Variants in SPAG16 observed in about 807,000 individuals in gnomAD.
The protein encoded by SPAG16 is sperm associated antigen 16, also known as sperm-associated antigen 16 protein.
A neutral mutation model predicts 80.4 loss-of-function variants in SPAG16; 86 were observed. The observed-to-expected ratio is 1.07, with a 90% CI of 0.90 to 1.28. The LOEUF (loss-of-function observed/expected upper bound fraction) is 1.28, where lower values mean the gene tolerates loss of function less well. Ranked by LOEUF, SPAG16 falls within the 50% of genes most tolerant of loss-of-function variation. The pLI is 0.00. For synonymous variants in SPAG16, 294 were observed against 265.9 expected (o/e 1.11, Z -1.03); for missense variants, 870 against 765.3 (o/e 1.14, Z -1.61).
intron 13 of SPAG16, among the ~76,000 whole-genome samples, chr2:214,031,378 A>C (rs1575891953): frequency 1.4e-5 from 2 of 138,594 alleles, no homozygotes; most frequent in Admixed American, 1.5e-4. Context: ...CATAGGTGGG[A>C]ATTGAACAAT....
chr2:213,913,782 T>C (rs954296242), intron 11 of SPAG16, among the ~76,000 whole-genome samples: 4 of 151,800 alleles, frequency 2.6e-5, no homozygotes, highest in East Asian at 1.9e-4. Flanking sequence ...GCTCACATGA[T>C]TGTGGGGACT....
At chr2:213,461,441 G>C (rs538635624) in intron 9 of SPAG16, among the ~76,000 whole-genome samples, 2 of 152,310 alleles carry the variant, frequency 1.3e-5, no homozygotes, top group Non-Finnish European at 2.9e-5. Context: ...ATAGATGAAT[G>C]ATGTGCAAGT....
intron 10 of SPAG16, among the ~76,000 whole-genome samples, chr2:213,533,101 T>G (rs965598690): frequency 6.6e-6 from 1 of 152,200 alleles, no homozygotes; most frequent in Admixed American, 6.5e-5. Flanking sequence ...TATACTTCTA[T>G]GTGTATATGT....
intron 1 of SPAG16, among the ~76,000 whole-genome samples, chr2:213,292,692 A>AAAAC (rs142889153): frequency 0.19 from 26,038 of 135,350 alleles, 3,924 homozygotes; most frequent in Non-Finnish European, 0.28. Flanking sequence ...AAACAAAAAA[A>AAAAC]AACAAAACTA....
At chr2:213,866,956 A>G (rs2075713437) in intron 11 of SPAG16, among the ~76,000 whole-genome samples, 1 of 152,188 alleles carries the variant, frequency 6.6e-6, no homozygotes, top group African/African-American at 2.4e-5. Context: ...TGCAGACTAT[A>G]CAAACAGAAG....
At chr2:214,144,417 A>G (rs1430125227) in intron 14 of SPAG16, among the ~76,000 whole-genome samples, 1 of 95,096 alleles carries the variant, frequency 1.1e-5, no homozygotes, top group Non-Finnish European at 2.0e-5. Context: ...CATGTTTTAC[A>G]TTGGTTCTAT....
intron 13 of SPAG16, among the ~76,000 whole-genome samples, chr2:214,099,081 G>A (rs2052806894): frequency 6.6e-6 from 1 of 152,042 alleles, no homozygotes; most frequent in South Asian, 2.1e-4. Flanking sequence ...AATTAGATAG[G>A]TTTAAAACCC....
chr2:213,577,306 TC>T (rs2060161040), intron 10 of SPAG16, among the ~76,000 whole-genome samples: 1 of 152,138 alleles, frequency 6.6e-6, no homozygotes, highest in Non-Finnish European at 1.5e-5. Flanking sequence ...ATTATCTACT[TC>T]CTGTATCATC....
chr2:213,536,184 A>C (rs982939374), intron 10 of SPAG16, among the ~76,000 whole-genome samples: 3 of 151,986 alleles, frequency 2.0e-5, no homozygotes, highest in South Asian at 2.1e-4. Flanking sequence ...TCTTGTTTTT[A>C]CTCAAATTTG....
intron 10 of SPAG16, among the ~76,000 whole-genome samples, chr2:213,857,248 T>C (rs1036179952): frequency 2.0e-5 from 3 of 152,182 alleles, no homozygotes; most frequent in South Asian, 2.1e-4. Context: ...TTATTCAGCA[T>C]AAACAGCCCT....
chr2:213,368,447 C>T (rs890061848), intron 8 of SPAG16, among the ~76,000 whole-genome samples: 6 of 152,172 alleles, frequency 3.9e-5, no homozygotes, highest in Admixed American at 2.0e-4. Context: ...GACAAACCCA[C>T]AGCCAATATC....
At chr2:214,166,343 C>A (rs564685959) in intron 15 of SPAG16, among the ~76,000 whole-genome samples, 1 of 152,114 alleles carries the variant, frequency 6.6e-6, no homozygotes, top group Non-Finnish European at 1.5e-5. Context: ...TTGGAATTGA[C>A]GAATGGGAGG....
At chr2:213,959,954 C>T (rs1017597873) in intron 12 of SPAG16, among the ~76,000 whole-genome samples, 5 of 152,250 alleles carry the variant, frequency 3.3e-5, no homozygotes, top group Admixed American at 3.3e-4. Flanking sequence ...AAGTTTTCAG[C>T]CATTATTTCT....
At chr2:213,349,188 A>G (rs2065187324) in intron 6 of SPAG16, among the ~76,000 whole-genome samples, 1 of 152,254 alleles carries the variant, frequency 6.6e-6, no homozygotes, top group Admixed American at 6.5e-5. Context: ...AAATGCAGCC[A>G]ATGCGGCTTA....
rs554290399 is a variant in SPAG16, at chr2:213,953,795, G to A, written c.1400+23650G>A. Among the ~76,000 whole-genome samples the A allele has an allele frequency of 7.2e-5, 11 of 151,754 alleles. No homozygotes were observed. In the South Asian group the frequency reaches 2.1e-3, roughly 29 times the overall value. Reference sequence around the variant, plus strand: ...TGACCCAAATTATCAGGATAAAAAGGCATCCTTTACATAAAAAAATGAAAA... The same window carrying A: ...TGACCCAAATTATCAGGATAAAAAGACATCCTTTACATAAAAAAATGAAAA... On this transcript the variant is annotated intron_variant, in intron 12 of 15. Coordinates refer to ENST00000331683, the MANE Select transcript of SPAG16 (RefSeq NM_024532.5).
intron 8 of SPAG16, among the ~76,000 whole-genome samples, chr2:213,368,862 T>G (rs2066474489): frequency 6.6e-6 from 1 of 152,178 alleles, no homozygotes; most frequent in Non-Finnish European, 1.5e-5. Context: ...ACAAAGGATG[T>G]GAAGGACGTC....
intron 14 of SPAG16, among the ~76,000 whole-genome samples, chr2:214,145,115 A>G (rs1270643510): frequency 6.6e-6 from 1 of 152,054 alleles, no homozygotes; most frequent in East Asian, 1.9e-4. Context: ...TAGTATTTTA[A>G]TTATTTATTT....
intron 13 of SPAG16, among the ~76,000 whole-genome samples, chr2:214,105,086 T>C (rs1290911964): frequency 6.6e-6 from 1 of 152,104 alleles, no homozygotes; most frequent in African/African-American, 2.4e-5. Flanking sequence ...CGCTTCCCTC[T>C]GGCTGAATCC....
intron 15 of SPAG16, among the ~76,000 whole-genome samples, chr2:214,261,185 T>G (rs1691149176): frequency 7.0e-6 from 1 of 142,924 alleles, no homozygotes; most frequent in East Asian, 2.2e-4. Flanking sequence ...GCTGCATTCC[T>G]GAAACTCCCT....
Sources: allele counts gnomAD v4.1 joint callset (sites outside exome capture counted in the v4.1 genomes callset), GRCh38; gene constraint gnomAD v4.1.1; transcripts MANE v1.5; gene names NCBI Gene and HGNC (gene_info 2026-07-23, HGNC 2026-07-21).